The following AGPAT1 variants were observed in gnomAD, a reference collection of about 807,000 sequenced individuals.
AGPAT1 encodes 1-acyl-sn-glycerol-3-phosphate acyltransferase alpha.
A neutral mutation model predicts 31.2 loss-of-function variants in AGPAT1; 6 were observed. The observed-to-expected ratio is 0.19, with a 90% CI of 0.11 to 0.38. AGPAT1 has a LOEUF of 0.38. AGPAT1 is among the 10% of genes least tolerant of loss of function. The pLI, the probability that AGPAT1 is intolerant of heterozygous loss-of-function variation, is 1.00. For synonymous variants in AGPAT1, 139 were observed against 154.0 expected (o/e 0.90, Z 0.72); for missense variants, 187 against 377.8 (o/e 0.49, Z 4.19).
chr6:32,171,127 T>G lies in AGPAT1; in HGVS notation c.201-57A>C, dbSNP rs1204981623. 3 of 1,595,288 alleles carry G rather than the reference T, an allele frequency of 1.9e-6. No homozygotes were observed. Among genetic ancestry groups the G allele is most frequent in the Admixed American group, 3.4e-5 (2 of 59,378 alleles). Reference sequence around the variant, plus strand: ...ATCCATTGATGTCCATCTGCATGCCTCAGCTCCCCCCACCTTACTGTCTTT... The same window carrying G: ...ATCCATTGATGTCCATCTGCATGCCGCAGCTCCCCCCACCTTACTGTCTTT... On this transcript the variant is annotated intron_variant, in intron 2 of 6. Coordinates refer to ENST00000375107, the MANE Select transcript of AGPAT1 (RefSeq NM_006411.4). This position sits in a 1 kb window ranked among gnomAD's most constrained non-coding sequence, Gnocchi z 6.9.
rs1410907247 is a variant in AGPAT1, at chr6:32,175,660, T to G, written c.-10+154A>C. Among the ~76,000 whole-genome samples, 2 of 151,874 alleles carry G rather than the reference T, an allele frequency of 1.3e-5. No individual in the cohort carries two copies. The highest frequency in any genetic ancestry group is 3.9e-4 in the East Asian group (2 of 5,166). On this transcript the variant is annotated intron_variant, in intron 1 of 6. Coordinates refer to ENST00000375107, the MANE Select transcript of AGPAT1 (RefSeq NM_006411.4). This position sits in a 1 kb window ranked among gnomAD's most constrained non-coding sequence, Gnocchi z 4.5. ...CCTCCCTCTCAGGTCCCCTCTCCTA[T>G]CCCCAGCAACCCTCTTCCCAGTCGG...
chr6:32,171,549 G>A lies in AGPAT1; in HGVS notation c.-9-44C>T. 1 of 1,538,272 alleles carries A rather than the reference G, an allele frequency of 6.5e-7. No individual in the cohort carries two copies. Among genetic ancestry groups the A allele is most frequent in the Middle Eastern group, 1.9e-4 (1 of 5,348 alleles). ...GGGACAATCAGCCTGGTTTCTGGAG[G>A]AGAGTGGGGTAGGCAAGGCACAGAA... On this transcript the variant is annotated intron_variant, in intron 1 of 6. Transcript: ENST00000375107. The surrounding 1 kb of genome is among the most constrained non-coding windows in gnomAD (Gnocchi z 6.9).
rs974846703 is a variant in AGPAT1 at position 32,171,230 on chromosome 6, T to C, written c.200+67A>G. Reference sequence around the variant, plus strand: ...CTTTTCTACACACACCATGCCCCCTTCCCCCAATCCACTACTCACTTTGTA... The same window carrying C: ...CTTTTCTACACACACCATGCCCCCTCCCCCCAATCCACTACTCACTTTGTA... On this transcript the variant is annotated intron_variant, in intron 2 of 6. Coordinates refer to ENST00000375107, the MANE Select transcript of AGPAT1 (RefSeq NM_006411.4). The surrounding 1 kb of genome is among the most constrained non-coding windows in gnomAD (Gnocchi z 6.9). The C allele has an allele frequency of 1.9e-6, 3 of 1,610,534 alleles. No homozygotes were observed. Among genetic ancestry groups the C allele is most frequent in the African/African-American group, 2.7e-5 (2 of 74,822 alleles).
Position 32,173,540 on chromosome 6 carries a change from C to T in AGPAT1, c.-9-2035G>A, listed in dbSNP as rs1400840959. Among the ~76,000 whole-genome samples the T allele has an allele frequency of 6.6e-6, 1 of 152,240 alleles. No individual in the cohort carries two copies. Among genetic ancestry groups the T allele is most frequent in the Non-Finnish European group, 1.5e-5 (1 of 68,048 alleles). On this transcript the variant is annotated intron_variant, in intron 1 of 6. Transcript: ENST00000375107. This position sits in a 1 kb window ranked among gnomAD's most constrained non-coding sequence, Gnocchi z 4.7. ...TTTTTCTGAAACACAGAGCATTTCC[C>T]TGTCTTGCCTAAAGGCTCTTCTTGA...
rs929547981 is a variant in AGPAT1 at position 32,175,936 on chromosome 6, T to C, written c.-132A>G. On this transcript the variant is annotated 5_prime_UTR_variant, in exon 1 of 7. Coordinates refer to ENST00000375107, the MANE Select transcript of AGPAT1 (RefSeq NM_006411.4). This position sits in a 1 kb window ranked among gnomAD's most constrained non-coding sequence, Gnocchi z 4.5. The stretch of plus-strand genomic sequence containing the variant: ...TCGGTGCCAAGGGGGCGACGGGATT[T>C]GGGGGTGTCCTAGCCCCGGCCGATG... 2.6e-5 allele frequency: 26 copies of C among 985,538 alleles called. No individual in the cohort carries two copies. Among genetic ancestry groups the C allele is most frequent in the Non-Finnish European group, 3.1e-5 (26 of 830,210 alleles). The allele number at this position is 985,538 out of a possible 1,614,324, so 61.0% of individuals were successfully genotyped here.
upstream of AGPAT1, chr6:32,176,811 A>G (rs1785598007): frequency 5.1e-6 from 2 of 390,466 alleles, no homozygotes; most frequent in Non-Finnish European, 9.0e-6. Flanking sequence ...ACAACATACA[A>G]TATGGGTACA....
Position 32,169,986 on chromosome 6 carries a change from T to C in AGPAT1, c.659A>G (p.Lys220Arg), listed in dbSNP as rs147585779. 1 of 1,613,580 alleles carries C rather than the reference T, an allele frequency of 6.2e-7. No homozygotes were observed. The highest frequency in any genetic ancestry group is 1.3e-5 in the African/African-American group (1 of 74,930). ...MSSYQDFYCK[K>R]ERRFTSGQCQ... Reference sequence around the variant, plus strand: ...CTCACCCGAGGTGAAGCGACGCTCCTTCTTGCAGTAGAAGTCTTGGTAGGA... The same window carrying C: ...CTCACCCGAGGTGAAGCGACGCTCCCTCTTGCAGTAGAAGTCTTGGTAGGA... Residue 220 changes from lysine to arginine, a missense_variant, in exon 6 of 7, where the codon AAG becomes AGG. This residue lies in a region of AGPAT1 where 113 missense variants were observed against 283.1 expected (regional missense o/e 0.40). Coordinates refer to ENST00000375107, the MANE Select transcript of AGPAT1 (RefSeq NM_006411.4). The surrounding 1 kb of genome is among the most constrained non-coding windows in gnomAD (Gnocchi z 5.9).
rs779566214 is a variant in AGPAT1 at position 32,169,317 on chromosome 6, C to T, written c.811G>A (p.Gly271Ser). Residue 271 changes from glycine to serine, a missense_variant, in exon 7 of 7, where the codon GGT becomes AGT. Coordinates refer to ENST00000375107, the MANE Select transcript of AGPAT1 (RefSeq NM_006411.4). This position sits in a 1 kb window ranked among gnomAD's most constrained non-coding sequence, Gnocchi z 5.9. ...GGCTTCTTCAGATAGTCACCACCAC[C>T]CCGGCCATCAGTGGAGATTTCCCGG... is the stretch of plus-strand genomic sequence containing the variant. ...VFREISTDGR[G>S]GGDYLKKPGG... The T allele has an allele frequency of 6.2e-7, 1 of 1,612,836 alleles. No individual in the cohort carries two copies. Among genetic ancestry groups the T allele is most frequent in the East Asian group, 2.2e-5 (1 of 44,890 alleles).
In AGPAT1 at chr6:32,170,927, G is replaced by A; in HGVS notation, c.334+10C>T. 6.2e-7 allele frequency: 1 copy of A among 1,605,378 alleles called. No homozygotes were observed. Among genetic ancestry groups the A allele is most frequent in the South Asian group, 1.1e-5 (1 of 90,782 alleles). ...GGCTGGGGGAGGTGTGCCCTGTGGTGGGGTCTCACCAAGCAGATCGAGAGA... is the reference window on the plus strand; with the variant it reads ...GGCTGGGGGAGGTGTGCCCTGTGGTAGGGTCTCACCAAGCAGATCGAGAGA... On this transcript the variant is annotated intron_variant, in intron 3 of 6. Transcript: ENST00000375107. The surrounding 1 kb of genome is among the most constrained non-coding windows in gnomAD (Gnocchi z 7.7).
At chr6:32,176,185 ACT>A (rs1426980417), upstream of AGPAT1, 1 of 976,330 alleles carries the variant, frequency 1.0e-6, no homozygotes, top group African/African-American at 1.8e-5. Context: ...TCTCCCAGAA[ACT>A]CTGGCATCTC....
At position 32,170,636 on chromosome 6, in the gene AGPAT1, G is replaced by A; in HGVS notation, c.335-36C>T. ...GTGGGAGTGGGTGAGGATCGGGGTG[G>A]AGGCAGAGTGTCACAGAAGGCAACC... On this transcript the variant is annotated intron_variant, in intron 3 of 6. Transcript: ENST00000375107. This position sits in a 1 kb window ranked among gnomAD's most constrained non-coding sequence, Gnocchi z 7.7. 6.2e-7 allele frequency: 1 copy of A among 1,603,360 alleles called. No homozygotes were observed. The highest frequency in any genetic ancestry group is 8.5e-7 in the Non-Finnish European group (1 of 1,178,428).
At position 32,172,541 on chromosome 6, in the gene AGPAT1, T is replaced by C. The variant is rs2049327060; in HGVS notation, c.-9-1036A>G. ...AAGTACTATTACTATTTACATTTTA[T>C]AGGAAATAGGCCCAGGGAGGCTAAA... On this transcript the variant is annotated intron_variant, in intron 1 of 6. Coordinates refer to ENST00000375107, the MANE Select transcript of AGPAT1 (RefSeq NM_006411.4). This position sits in a 1 kb window ranked among gnomAD's most constrained non-coding sequence, Gnocchi z 4.3. Among the ~76,000 whole-genome samples, 1 of 152,216 alleles carries C rather than the reference T, an allele frequency of 6.6e-6. No individual in the cohort carries two copies. Among genetic ancestry groups the C allele is most frequent in the African/African-American group, 2.4e-5 (1 of 41,452 alleles).
rs578108663 is a variant in AGPAT1, at chr6:32,174,345, C to T, written c.-10+1469G>A. Among the ~76,000 whole-genome samples, 9 of 152,232 alleles carry T rather than the reference C, an allele frequency of 5.9e-5. No individual in the cohort carries two copies. Among genetic ancestry groups the T allele is most frequent in the African/African-American group, 1.9e-4 (8 of 41,544 alleles). ...CTAAAAGAAGTCACTGAGAAAGTAA[C>T]GAACACACCAAGCCTAATGGTAACC... On this transcript the variant is annotated intron_variant, in intron 1 of 6. Coordinates refer to ENST00000375107, the MANE Select transcript of AGPAT1 (RefSeq NM_006411.4). The surrounding 1 kb of genome is among the most constrained non-coding windows in gnomAD (Gnocchi z 4.5).
Position 32,171,002 on chromosome 6 carries a change from T to C in AGPAT1, c.269A>G (p.His90Arg). 1 of 1,612,708 alleles carries C rather than the reference T, an allele frequency of 6.2e-7. No individual in the cohort carries two copies. Among genetic ancestry groups the C allele is most frequent in the Non-Finnish European group, 8.5e-7 (1 of 1,179,932 alleles). The change falls in exon 3 of 7, where the codon CAC (histidine) becomes CGC (arginine). Residue 90 changes from histidine (H) to arginine (R), a missense_variant. Around this residue, in one of 3 missense-constraint regions of AGPAT1, gnomAD observed 113 missense variants for 283.1 expected, o/e 0.40. Coordinates refer to ENST00000375107, the MANE Select transcript of AGPAT1 (RefSeq NM_006411.4). The surrounding 1 kb of genome is among the most constrained non-coding windows in gnomAD (Gnocchi z 6.9). ...YGIRVEVRGA[H>R]HFPPSQPYVV... ...ATAGGGCTGCGAGGGAGGGAAGTGG[T>C]GAGCCCCTCGCACCTCCACTCGGAT...
Position 32,172,724 on chromosome 6 carries a change from T to C in AGPAT1, c.-9-1219A>G, listed in dbSNP as rs1375000023. Among the ~76,000 whole-genome samples the C allele has an allele frequency of 6.6e-6, 1 of 152,190 alleles. No homozygotes were observed. The highest frequency in any genetic ancestry group is 2.4e-5 in the African/African-American group (1 of 41,444). On this transcript the variant is annotated intron_variant, in intron 1 of 6. Coordinates refer to ENST00000375107, the MANE Select transcript of AGPAT1 (RefSeq NM_006411.4). This position sits in a 1 kb window ranked among gnomAD's most constrained non-coding sequence, Gnocchi z 4.3. ...ATATATGGTGATTGTGACAGAACAC[T>C]CACAGCCATATACCCAAGGGCCAAA...
At position 32,175,909 on chromosome 6, in the gene AGPAT1, TG is replaced by T; in HGVS notation, c.-106del. On this transcript the variant is annotated 5_prime_UTR_variant, in exon 1 of 7. Coordinates refer to ENST00000375107, the MANE Select transcript of AGPAT1 (RefSeq NM_006411.4). This position sits in a 1 kb window ranked among gnomAD's most constrained non-coding sequence, Gnocchi z 4.5. Reference sequence around the variant, plus strand: ...GGCTGTGTCTCTGTCTCTGTCGGGGTGTCGGTGCCAAGGGGGCGACGGGATT... The same window carrying T: ...GGCTGTGTCTCTGTCTCTGTCGGGGTTCGGTGCCAAGGGGGCGACGGGATT... 1 of 985,858 alleles carries T rather than the reference TG, an allele frequency of 1.0e-6. No homozygotes were observed. Among genetic ancestry groups the T allele is most frequent in the Non-Finnish European group, 1.2e-6 (1 of 830,424 alleles). 61.1% of individuals were successfully genotyped at this position (985,858 alleles called of 1,614,324 possible).
chr6:32,175,721 C>A lies in AGPAT1; in HGVS notation c.-10+93G>T. The A allele has an allele frequency of 1.5e-6, 1 of 657,996 alleles. No individual in the cohort carries two copies. The highest frequency in any genetic ancestry group is 1.9e-6 in the Non-Finnish European group (1 of 530,422). 40.8% of individuals were successfully genotyped at this position (657,996 alleles called of 1,614,324 possible). ...TTCCCCAGCAACCCTCTCCCCCAGT[C>A]GGCCCTCCCAGACCCAATCTCTCCC... On this transcript the variant is annotated intron_variant, in intron 1 of 6. Coordinates refer to ENST00000375107, the MANE Select transcript of AGPAT1 (RefSeq NM_006411.4). This position sits in a 1 kb window ranked among gnomAD's most constrained non-coding sequence, Gnocchi z 4.5.
At position 32,173,723 on chromosome 6, in the gene AGPAT1, C is replaced by T. The variant is rs1320329893; in HGVS notation, c.-10+2091G>A. ...GCTGGAATGCCTGTCTCTTCTCCTGCCTCACACAGCTCAGTGTCACCTTTT... is the reference window on the plus strand; with the variant it reads ...GCTGGAATGCCTGTCTCTTCTCCTGTCTCACACAGCTCAGTGTCACCTTTT... On this transcript the variant is annotated intron_variant, in intron 1 of 6. Coordinates refer to ENST00000375107, the MANE Select transcript of AGPAT1 (RefSeq NM_006411.4). This position sits in a 1 kb window ranked among gnomAD's most constrained non-coding sequence, Gnocchi z 4.7. Among the ~76,000 whole-genome samples the T allele has an allele frequency of 6.6e-6, 1 of 152,200 alleles. No individual in the cohort carries two copies. Among genetic ancestry groups the T allele is most frequent in the Non-Finnish European group, 1.5e-5 (1 of 68,034 alleles).
rs1785119127 is a variant in AGPAT1, at chr6:32,171,677, G to T, written c.-9-172C>A. On this transcript the variant is annotated intron_variant, in intron 1 of 6. Coordinates refer to ENST00000375107, the MANE Select transcript of AGPAT1 (RefSeq NM_006411.4). This position sits in a 1 kb window ranked among gnomAD's most constrained non-coding sequence, Gnocchi z 6.9. ...CAGGAAGGCTCTCTAGGATGAGGGT[G>T]GTGGAGAAAGAGCTCAGGACTGCTC... 7 of 832,652 alleles carry T rather than the reference G, an allele frequency of 8.4e-6. No homozygotes were observed. The highest frequency in any genetic ancestry group is 1.3e-5 in the Non-Finnish European group (7 of 543,064). The allele number at this position is 832,652 out of a possible 1,614,324, so 51.6% of individuals were successfully genotyped here. A position where few individuals can be genotyped will look rare whatever the true frequency, so the allele number is the denominator to read the frequency against.
Sources: allele counts gnomAD v4.1 joint callset (sites outside exome capture counted in the v4.1 genomes callset), GRCh38; gene constraint gnomAD v4.1.1; regional missense constraint gnomAD v4.1.1; non-coding constraint Gnocchi (gnomAD v3.1); transcripts MANE v1.5; gene names NCBI Gene and HGNC (gene_info 2026-07-23, HGNC 2026-07-21).